SHISA9: variants seen among roughly 807,000 people sequenced by gnomAD.
The protein encoded by SHISA9 is protein shisa-9.
A neutral mutation model predicts 38.0 loss-of-function variants in SHISA9; 13 were observed. The ratio of observed to expected loss-of-function variants is 0.34; its 90% CI spans 0.22 to 0.54. The LOEUF (loss-of-function observed/expected upper bound fraction) is 0.54, where lower values mean the gene tolerates loss of function less well. Ranked by LOEUF, SHISA9 falls within the 20% of genes least tolerant of loss-of-function variation. The pLI is 0.91. For missense variants in SHISA9, 538 were observed against 575.8 expected (o/e 0.93, Z 0.67); for synonymous variants, 275 against 242.0 (o/e 1.14, Z -1.27).
chr16:13,309,168 T>C, the SHISA9 span, among the ~76,000 whole-genome samples: 4 of 152,046 alleles, frequency 2.6e-5, no homozygotes, highest in Admixed American at 6.6e-5. Flanking sequence ...ACTTAATAAA[T>C]AGTTAATATG....
chr16:13,301,666 T>A, the SHISA9 span, among the ~76,000 whole-genome samples: 1 of 152,210 alleles, frequency 6.6e-6, no homozygotes, highest in Admixed American at 6.5e-5. Context: ...TGAGTTGACT[T>A]AAATAAAATT....
At chr16:13,262,380 G>C in the SHISA9 span, among the ~76,000 whole-genome samples, 30 of 152,244 alleles carry the variant, frequency 2.0e-4, no homozygotes, top group African/African-American at 7.0e-4. Context: ...TAAGCTTCTA[G>C]TCTCATTTCT....
At chr16:13,494,947 G>A in the SHISA9 span, among the ~76,000 whole-genome samples, 3 of 152,290 alleles carry the variant, frequency 2.0e-5, no homozygotes, top group South Asian at 2.1e-4. Flanking sequence ...TGTCCAGGAC[G>A]TTGCGCCTTG....
the SHISA9 span, among the ~76,000 whole-genome samples, chr16:13,320,225 A>T: frequency 7.3e-6 from 1 of 137,814 alleles, no homozygotes; most frequent in East Asian, 2.4e-4. Context: ...CAGGAGGCAG[A>T]GGCTGCACGG....
intron 2 of SHISA9, among the ~76,000 whole-genome samples, chr16:13,060,654 A>C (rs1444577697): frequency 2.0e-5 from 3 of 151,578 alleles, no homozygotes; most frequent in African/African-American, 7.3e-5. Flanking sequence ...AAAAAAAAAA[A>C]AAAAAAACAC....
chr16:13,460,911 C>T, the SHISA9 span, among the ~76,000 whole-genome samples: 1 of 152,196 alleles, frequency 6.6e-6, no homozygotes, highest in Non-Finnish European at 1.5e-5. Context: ...GCCAACCAGC[C>T]GCTCAGTATG....
At chr16:12,997,512 T>C (rs897780316) in intron 2 of SHISA9, among the ~76,000 whole-genome samples, 1 of 150,746 alleles carries the variant, frequency 6.6e-6, no homozygotes, top group African/African-American at 2.4e-5. Context: ...GTTCAAGCAA[T>C]TCTCCCACCT....
the SHISA9 span, among the ~76,000 whole-genome samples, chr16:13,306,316 T>C: frequency 2.6e-5 from 4 of 152,114 alleles, no homozygotes; most frequent in Non-Finnish European, 4.4e-5. Context: ...GTGGTGGTTG[T>C]GCCATCAGCT....
chr16:13,018,629 A>G (rs1439173942), intron 2 of SHISA9, among the ~76,000 whole-genome samples: 1 of 152,180 alleles, frequency 6.6e-6, no homozygotes, highest in East Asian at 1.9e-4. Context: ...CATCTCAGTC[A>G]TTTCCAGTCC....
At chr16:13,184,606 G>A (rs570064052) in intron 2 of SHISA9, among the ~76,000 whole-genome samples, 9 of 152,240 alleles carry the variant, frequency 5.9e-5, no homozygotes, top group East Asian at 1.9e-4. Context: ...CACCAATTCC[G>A]TTGTTCTGCA....
chr16:13,368,862 A>T, the SHISA9 span, among the ~76,000 whole-genome samples: 1 of 152,224 alleles, frequency 6.6e-6, no homozygotes, highest in African/African-American at 2.4e-5. Context: ...ATTGACAGGG[A>T]GTAAGTATAC....
chr16:13,284,030 C>T, the SHISA9 span, among the ~76,000 whole-genome samples: 3 of 152,170 alleles, frequency 2.0e-5, no homozygotes, highest in Non-Finnish European at 2.9e-5. Flanking sequence ...ATCTTCCATC[C>T]TTTTGATGCC....
At chr16:13,415,794 A>G in the SHISA9 span, among the ~76,000 whole-genome samples, 1 of 138,030 alleles carries the variant, frequency 7.2e-6, no homozygotes, top group Non-Finnish European at 1.6e-5. Flanking sequence ...TTGAAAATCC[A>G]GTAACCTAAC....
rs117816262 is a variant in SHISA9, at chr16:13,220,020, G to C, written c.895+6720G>C. Among the ~76,000 whole-genome samples the C allele has an allele frequency of 8.1e-4, 123 of 152,294 alleles. No homozygotes were observed. In the East Asian group the frequency reaches 0.023, roughly 28 times the overall value. ...ACCTGAAAATTGGGGGCTCTTCTTG[G>C]AAGTATGGTGAGTGAATGATTGGCA... On this transcript the variant is annotated intron_variant, in intron 4 of 4. Coordinates refer to ENST00000558583, the MANE Select transcript of SHISA9 (RefSeq NM_001145204.3).
intron 4 of SHISA9, among the ~76,000 whole-genome samples, chr16:13,214,060 C>A (rs1252626188): frequency 1.3e-5 from 2 of 152,126 alleles, no homozygotes; most frequent in African/African-American, 4.8e-5. Context: ...ATCAGTCTGA[C>A]CCTTATTCTA....
chr16:13,178,058 T>C lies in SHISA9; in HGVS notation c.692-25336T>C, dbSNP rs905016642. Among the ~76,000 whole-genome samples, 78 of 152,192 alleles carry C rather than the reference T, an allele frequency of 5.1e-4. 6 individuals carry two copies. Among genetic ancestry groups the C allele is most frequent in the Non-Finnish European group, 4.4e-5 (3 of 68,026 alleles). On this transcript the variant is annotated intron_variant, in intron 2 of 4. Transcript: ENST00000558583. ...TCAAAAATATTATTGAGTGAACAAA[T>C]GAACGAGTGAATAATCACATCGATT...
intron 2 of SHISA9, among the ~76,000 whole-genome samples, chr16:13,197,004 A>ACTAAGGCAATTGTTG (rs2050949966): frequency 6.6e-6 from 1 of 151,998 alleles, no homozygotes. Context: ...AGATGGGAGG[A>ACTAAGGCAATTGTTG]TCACTTGAAC....
downstream of SHISA9, among the ~76,000 whole-genome samples, chr16:13,241,612 G>A (rs1032924938): frequency 3.3e-5 from 5 of 152,224 alleles, no homozygotes; most frequent in African/African-American, 1.2e-4. Flanking sequence ...GATGTGGGCA[G>A]GAACTCACAG....
chr16:13,023,927 G>A (rs538289324), intron 2 of SHISA9, among the ~76,000 whole-genome samples: 4 of 152,318 alleles, frequency 2.6e-5, no homozygotes, highest in Non-Finnish European at 5.9e-5. Flanking sequence ...AAAACACAAA[G>A]ATGGGAAGGG....
Sources: gnomAD v4.1 joint callset for allele counts (sites outside exome capture counted in the v4.1 genomes callset) on GRCh38, gnomAD v4.1.1 for gene constraint, MANE v1.5 for transcripts, NCBI Gene and HGNC (gene_info 2026-07-23, HGNC 2026-07-21) for gene names.